Variants in RALGPS1 observed in about 807,000 individuals in gnomAD.
RALGPS1 encodes Ral GEF with PH domain and SH3 binding motif 1, also known as ras-specific guanine nucleotide-releasing factor RalGPS1.
RALGPS1 carries 19 observed loss-of-function variants against 78.8 expected under a neutral mutation model. That is an observed-to-expected ratio of 0.24 (90% confidence interval 0.17 to 0.35). RALGPS1 has a LOEUF of 0.35. Among genes scored for constraint, RALGPS1 ranks in the 10% least tolerant of loss-of-function variants. The probability of loss-of-function intolerance (pLI) is 1.00; values close to 1 mark genes in which losing one functional copy is unlikely to be tolerated. For missense variants in RALGPS1, 454 were observed against 688.3 expected (o/e 0.66, Z 3.81); for synonymous variants, 228 against 256.3 (o/e 0.89, Z 1.06).
chr9:127,143,912 T>G (rs1041567072), intron 8 of RALGPS1, among the ~76,000 whole-genome samples: 5 of 152,262 alleles, frequency 3.3e-5, no homozygotes, highest in Non-Finnish European at 7.3e-5. Context: ...CAAGCCCCTT[T>G]GCTCTGCCCT....
chr9:127,024,529 C>T (rs974375539), intron 4 of RALGPS1, among the ~76,000 whole-genome samples: 1 of 151,604 alleles, frequency 6.6e-6, no homozygotes, highest in Non-Finnish European at 1.5e-5. Context: ...CACACTTTTC[C>T]TTAGGTGGAC....
At chr9:127,217,751 C>G (rs1018988398) in intron 18 of RALGPS1, 8 of 152,184 alleles carry the variant, frequency 5.3e-5, no homozygotes, top group African/African-American at 1.9e-4. Flanking sequence ...GTACTTGATT[C>G]CTTCATGTGT....
At chr9:126,930,467 G>C (rs914316169) in intron 1 of RALGPS1, among the ~76,000 whole-genome samples, 1 of 152,260 alleles carries the variant, frequency 6.6e-6, no homozygotes, top group Non-Finnish European at 1.5e-5. Flanking sequence ...TTTTGAAACA[G>C]GGTCTTGCTG....
intron 10 of RALGPS1, among the ~76,000 whole-genome samples, chr9:127,171,974 A>G (rs1269221479): frequency 2.0e-5 from 3 of 152,222 alleles, no homozygotes; most frequent in African/African-American, 7.2e-5. Flanking sequence ...AGTCTATAAC[A>G]TAAGCATGTT....
chr9:127,165,058 A>G (rs952088125), intron 8 of RALGPS1, among the ~76,000 whole-genome samples: 3 of 152,174 alleles, frequency 2.0e-5, no homozygotes, highest in Admixed American at 6.5e-5. Flanking sequence ...TTCTTTATGC[A>G]TAGAAATTTG....
rs1472947918 is a variant in RALGPS1, at chr9:127,212,000, T to C, written c.1248-131T>C. 4 of 683,844 alleles carry C rather than the reference T, an allele frequency of 5.8e-6. No homozygotes were observed. Among genetic ancestry groups the C allele is most frequent in the Non-Finnish European group, 7.2e-6 (3 of 419,504 alleles). 42.4% of individuals were successfully genotyped at this position (683,844 alleles called of 1,614,324 possible). On this transcript the variant is annotated intron_variant, in intron 14 of 18. Coordinates refer to ENST00000259351, the MANE Select transcript of RALGPS1 (RefSeq NM_014636.3). The surrounding 1 kb of genome is among the most constrained non-coding windows in gnomAD (Gnocchi z 5.0). ...CCTGGCCCTCCCCTCCGGGCCTTGC[T>C]CTGCGCCGTTAAGTCTGGACTGCTG...
intron 4 of RALGPS1, among the ~76,000 whole-genome samples, chr9:126,981,884 GTC>G (rs1017778557): frequency 6.6e-6 from 1 of 152,176 alleles, no homozygotes; most frequent in African/African-American, 2.4e-5. Context: ...CTGGCTCAGG[GTC>G]TCTCAGGAGG....
At chr9:126,919,126 T>G (rs752500494) in intron 1 of RALGPS1, among the ~76,000 whole-genome samples, 2 of 152,248 alleles carry the variant, frequency 1.3e-5, no homozygotes, top group Non-Finnish European at 2.9e-5. Flanking sequence ...AATAGCATTT[T>G]ATACATACTC....
chr9:127,182,352 C>CCTTCCTTCCTTCCTTCTTTCCTT (rs2060293169), intron 11 of RALGPS1, among the ~76,000 whole-genome samples: 1 of 97,054 alleles, frequency 1.0e-5, no homozygotes, highest in African/African-American at 4.4e-5. Flanking sequence ...CTTCCTTCCT[C>CCTTCCTTCCTTCCTTCTTTCCTT]CCTTCCTTCC....
chr9:126,986,727 A>C (rs182410715), intron 4 of RALGPS1, among the ~76,000 whole-genome samples: 1 of 152,334 alleles, frequency 6.6e-6, no homozygotes, highest in East Asian at 1.9e-4. Flanking sequence ...CCTGTGCTTT[A>C]TTCAGCCCAG....
chr9:127,192,582 G>A (rs7040019), intron 11 of RALGPS1, among the ~76,000 whole-genome samples: 72,279 of 151,980 alleles, frequency 0.48, 17,998 homozygotes, highest in Admixed American at 0.56. Flanking sequence ...CTGGTGAGCC[G>A]GGGAGGTCGA....
intron 8 of RALGPS1, among the ~76,000 whole-genome samples, chr9:127,156,145 A>C (rs532522055): frequency 1.6e-3 from 243 of 152,306 alleles, no homozygotes; most frequent in Non-Finnish European, 2.7e-3. Context: ...TTTTATCCTT[A>C]CAATAGCTGC....
At chr9:127,111,134 T>C (rs1018868526) in intron 8 of RALGPS1, among the ~76,000 whole-genome samples, 3 of 152,132 alleles carry the variant, frequency 2.0e-5, no homozygotes, top group Admixed American at 6.5e-5. Context: ...GGTTGACCTT[T>C]TGGTTGTCTG....
chr9:127,042,341 G>C (rs2047390577), intron 5 of RALGPS1, among the ~76,000 whole-genome samples: 2 of 152,088 alleles, frequency 1.3e-5, no homozygotes, highest in Admixed American at 1.3e-4. Context: ...TATGCTCCGG[G>C]TGTGTTTGGC....
chr9:127,193,073 A>G (rs1040267809), intron 11 of RALGPS1, among the ~76,000 whole-genome samples: 1 of 152,210 alleles, frequency 6.6e-6, no homozygotes, highest in African/African-American at 2.4e-5. Context: ...GCTTACAGGG[A>G]AAGAGAGACT....
intron 3 of RALGPS1, among the ~76,000 whole-genome samples, chr9:126,970,255 A>T (rs770466299): frequency 6.6e-6 from 1 of 152,188 alleles, no homozygotes; most frequent in Admixed American, 6.5e-5. Context: ...CAAGTGGTTG[A>T]ATATATACCA....
intron 1 of RALGPS1, among the ~76,000 whole-genome samples, chr9:126,959,279 C>T (rs996952197): frequency 2.6e-5 from 4 of 152,142 alleles, no homozygotes; most frequent in African/African-American, 4.8e-5. Context: ...CCAGGCTGGT[C>T]TCAAACTCCT....
chr9:127,115,371 G>C (rs1197547651), intron 8 of RALGPS1, among the ~76,000 whole-genome samples: 2 of 152,126 alleles, frequency 1.3e-5, no homozygotes, highest in Non-Finnish European at 2.9e-5. Flanking sequence ...TGTATTTTTA[G>C]TAGAGACAGG....
intron 8 of RALGPS1, among the ~76,000 whole-genome samples, chr9:127,146,167 A>C (rs1199800651): frequency 6.6e-6 from 1 of 152,172 alleles, no homozygotes; most frequent in African/African-American, 2.4e-5. Context: ...TATGAATCTC[A>C]TCACCCAGGT....
Sources: allele counts gnomAD v4.1 joint callset (sites outside exome capture counted in the v4.1 genomes callset), GRCh38; gene constraint gnomAD v4.1.1; non-coding constraint Gnocchi (gnomAD v3.1); transcripts MANE v1.5; gene names NCBI Gene and HGNC (gene_info 2026-07-23, HGNC 2026-07-21).